The following ERICH3 variants were observed in gnomAD, a reference collection of about 807,000 sequenced individuals.
The protein encoded by ERICH3 is glutamate rich 3, also known as glutamate-rich protein 3.
ERICH3 carries 126 observed loss-of-function variants against 131.1 expected under a neutral mutation model. The ratio of observed to expected loss-of-function variants is 0.96; its 90% CI spans 0.83 to 1.11. The LOEUF (loss-of-function observed/expected upper bound fraction) is 1.11. Among genes scored for constraint, ERICH3 ranks in the 50% most tolerant of loss-of-function variants. The pLI is 0.00. For synonymous variants in ERICH3, 695 were observed against 644.6 expected (o/e 1.08, Z -1.18); for missense variants, 2,050 against 1,810.7 (o/e 1.13, Z -2.40).
In ERICH3 at chr1:74,596,535, G is replaced by A. The variant is rs546699570; in HGVS notation, c.1726+3160C>T. ...TGAAATATATATTACACTGTTATTC[G>A]CTATAGTCACCCTACTGTGTAGTAA... On this transcript the variant is annotated intron_variant, in intron 11 of 14. Transcript: ENST00000326665. Among the ~76,000 whole-genome samples the A allele has an allele frequency of 4.1e-3, 624 of 151,852 alleles. 5 individuals are homozygous for A. Among genetic ancestry groups the A allele is most frequent in the African/African-American group, 0.014 (587 of 41,418 alleles).
At chr1:74,616,913 C>T (rs1398472754) in intron 8 of ERICH3, among the ~76,000 whole-genome samples, 1 of 152,008 alleles carries the variant, frequency 6.6e-6, no homozygotes, top group Non-Finnish European at 1.5e-5. Context: ...GGGAGTGTGT[C>T]CCTGCCAATA....
At chr1:74,588,992 A>T (rs188983941) in intron 12 of ERICH3, among the ~76,000 whole-genome samples, 14 of 152,338 alleles carry the variant, frequency 9.2e-5, no homozygotes, top group Admixed American at 2.6e-4. Context: ...ACACAGACGC[A>T]ATAGGCAATA....
At position 74,570,164 on chromosome 1, in the gene ERICH3, T is replaced by A. The variant is rs1244397760; in HGVS notation, c.*294A>T. 1 of 152,234 alleles carries A rather than the reference T, an allele frequency of 6.6e-6. No homozygotes were observed. The highest frequency in any genetic ancestry group is 1.5e-5 in the Non-Finnish European group (1 of 68,048). The allele number at this position is 152,234 out of a possible 1,614,324, so 9.4% of individuals were successfully genotyped here. ...AGTCAAGCATCTGAAAATTATCATT[T>A]TTGTTTGAAAATAATGTTAGGTGTG... On this transcript the variant is annotated 3_prime_UTR_variant, in exon 15 of 15. Coordinates refer to ENST00000326665, the MANE Select transcript of ERICH3 (RefSeq NM_001002912.5).
rs1647490801 is a variant in ERICH3 at position 74,589,678 on chromosome 1, G to A, written c.2129C>T (p.Ala710Val). 6.2e-7 allele frequency: 1 copy of A among 1,613,892 alleles called. No individual in the cohort carries two copies. The highest frequency in any genetic ancestry group is 8.5e-7 in the Non-Finnish European group (1 of 1,179,962). Residue 710 changes from alanine (A) to valine (V), a missense_variant, in exon 12 of 15, where the codon GCT (alanine) becomes GTT (valine). Physicochemically the swap from Ala to Val is moderately conservative, Grantham distance 64 (BLOSUM62 0). Coordinates refer to ENST00000326665, the MANE Select transcript of ERICH3 (RefSeq NM_001002912.5). ...ACCTGCCTTTTTGTCCTTCACCTGA[G>A]CAGTGCTTTCTTCCCAAAGCTTACT... ...DKSKLWEEST[A>V]QVKDKKAGLP... is the part of the protein sequence containing the mutation.
At chr1:74,622,997 A>G (rs1220501826) in intron 7 of ERICH3, 2 of 152,206 alleles carry the variant, frequency 1.3e-5, no homozygotes, top group Non-Finnish European at 2.9e-5. Flanking sequence ...TATACACACT[A>G]GGAAACAAAC....
intron 7 of ERICH3, chr1:74,624,093 A>G (rs1278099754): frequency 6.6e-6 from 1 of 152,196 alleles, no homozygotes; most frequent in Non-Finnish European, 1.5e-5. Flanking sequence ...CTGGACACAG[A>G]CATGGAACAA....
In ERICH3 at chr1:74,569,517, G is replaced by A. The variant is rs1646911567; in HGVS notation, c.*941C>T. 6.6e-6 allele frequency: 1 copy of A among 152,096 alleles called. No individual in the cohort carries two copies. Among genetic ancestry groups the A allele is most frequent in the African/African-American group, 2.4e-5 (1 of 41,416 alleles). 9.4% of individuals were successfully genotyped at this position (152,096 alleles called of 1,614,324 possible). On this transcript the variant is annotated 3_prime_UTR_variant, in exon 15 of 15. Coordinates refer to ENST00000326665, the MANE Select transcript of ERICH3 (RefSeq NM_001002912.5). Reference sequence around the variant, plus strand: ...AATGAACTGCAAGGTTAGTTCACAGGTTTGAAATAACAGAACTTGGGAAGG... The same window carrying A: ...AATGAACTGCAAGGTTAGTTCACAGATTTGAAATAACAGAACTTGGGAAGG...
chr1:74,599,333 G>T (rs952241111), intron 11 of ERICH3, among the ~76,000 whole-genome samples: 3 of 151,770 alleles, frequency 2.0e-5, no homozygotes, highest in East Asian at 3.9e-4. Flanking sequence ...AAGTGTGAAG[G>T]TAACAAATTA....
At chr1:74,668,043 C>T (rs1646708054) in intron 1 of ERICH3, among the ~76,000 whole-genome samples, 1 of 152,134 alleles carries the variant, frequency 6.6e-6, no homozygotes, top group South Asian at 2.1e-4. Flanking sequence ...CACCTTCCAC[C>T]ATGATTGTAA....
In ERICH3 at chr1:74,573,396, TC is replaced by T; in HGVS notation, c.2313del (p.Glu773LysfsTer16). ...GCTTCATCTTCCTCCATTGCTTCTT[TC>T]TTCTCCAGTGTATACGTTTTTTGCA... is the stretch of plus-strand genomic sequence containing the variant. The part of the protein sequence containing the change: ...QLVQKTYTLE[K>X]KEAMEEDEAP... On this transcript the variant is annotated frameshift_variant, in exon 14 of 15. Transcript: ENST00000326665. LOFTEE classifies it high-confidence loss of function. The T allele has an allele frequency of 6.2e-7, 1 of 1,606,582 alleles. No homozygotes were observed. The highest frequency in any genetic ancestry group is 8.5e-7 in the Non-Finnish European group (1 of 1,177,340).
chr1:74,620,872 C>G lies in ERICH3; in HGVS notation c.862G>C (p.Ala288Pro). The G allele has an allele frequency of 2.5e-6, 4 of 1,611,284 alleles. No homozygotes were observed. The highest frequency in any genetic ancestry group is 3.4e-6 in the Non-Finnish European group (4 of 1,178,536). ...TTCCCCAAATAGATCATTGTAATAG[C>G]TGCATTACTATGTAAGGATGTTTTA... ...IHKTSLHSNA[A>P]ITMIYLGKNV... is the part of the protein sequence containing the mutation. Residue 288 changes from alanine (A) to proline (P), a missense_variant, in exon 8 of 15, where the codon GCT becomes CCT. Coordinates refer to ENST00000326665, the MANE Select transcript of ERICH3 (RefSeq NM_001002912.5).
chr1:74,598,401 A>G (rs1417236008), intron 11 of ERICH3, among the ~76,000 whole-genome samples: 2 of 151,916 alleles, frequency 1.3e-5, no homozygotes, highest in East Asian at 3.9e-4. Context: ...CCTTTGGATT[A>G]GGAGAAGGCT....
chr1:74,579,389 A>T, intron 12 of ERICH3: 1 of 985,274 alleles, frequency 1.0e-6, no homozygotes, highest in Non-Finnish European at 1.2e-6. Flanking sequence ...ACATCATCTG[A>T]AAATTAAAAC....
At chr1:74,637,242 G>A (rs74767053) in intron 5 of ERICH3, among the ~76,000 whole-genome samples, 3,058 of 152,082 alleles carry the variant, frequency 0.02, 101 homozygotes, top group African/African-American at 0.069. Flanking sequence ...ACCCTGCAGG[G>A]TCATAATGGG....
intron 12 of ERICH3, 108 bp from the exon 13 acceptor site, chr1:74,577,044 G>T: frequency 2.3e-6 from 2 of 880,538 alleles, no homozygotes; most frequent in Non-Finnish European, 3.4e-6. Flanking sequence ...TCACCTAGCT[G>T]TTCAACTATC....
intron 9 of ERICH3, 133 bp from the exon 10 acceptor site, chr1:74,607,035 T>A (rs2100588973): frequency 4.9e-6 from 3 of 611,416 alleles, no homozygotes; most frequent in Non-Finnish European, 5.1e-6. Context: ...CAGTACACAC[T>A]AATAAAAATA....
chr1:74,672,267 C>T (rs910602683), intron 1 of ERICH3, among the ~76,000 whole-genome samples: 2 of 152,152 alleles, frequency 1.3e-5, no homozygotes, highest in African/African-American at 4.8e-5. Flanking sequence ...TACGTAGCAT[C>T]TTACATGACC....
At chr1:74,592,745 T>A (rs1487953565) in intron 11 of ERICH3, among the ~76,000 whole-genome samples, 1 of 152,134 alleles carries the variant, frequency 6.6e-6, no homozygotes, top group African/African-American at 2.4e-5. Context: ...TGACCTCCCA[T>A]ACAAACTCAT....
At chr1:74,644,222 T>TCC (rs891907358) in intron 3 of ERICH3, among the ~76,000 whole-genome samples, 17 of 152,044 alleles carry the variant, frequency 1.1e-4, no homozygotes, top group African/African-American at 3.4e-4. Flanking sequence ...CACTTCCCTT[T>TCC]CCTCTCTCTC....
Sources: gnomAD v4.1 joint callset for allele counts (sites outside exome capture counted in the v4.1 genomes callset) on GRCh38, gnomAD v4.1.1 for gene constraint, MANE v1.5 for transcripts, NCBI Gene and HGNC (gene_info 2026-07-23, HGNC 2026-07-21) for gene names.